ADAM17: variants seen among roughly 807,000 people sequenced by gnomAD.
The protein encoded by ADAM17 is ADAM metallopeptidase domain 17, also known as disintegrin and metalloproteinase domain-containing protein 17.
Under a neutral mutation model 96.7 loss-of-function variants are expected in ADAM17, and 39 were observed. The ratio of observed to expected loss-of-function variants is 0.40; its 90% CI spans 0.31 to 0.53. The LOEUF (loss-of-function observed/expected upper bound fraction) is 0.53, where lower values mean the gene tolerates loss of function less well. Among genes scored for constraint, ADAM17 ranks in the 20% least tolerant of loss-of-function variants. The probability of loss-of-function intolerance (pLI) is 0.44; values close to 1 mark genes in which losing one functional copy is unlikely to be tolerated. For synonymous variants in ADAM17, 344 were observed against 359.2 expected, an observed-to-expected ratio of 0.96 and a Z score of 0.48; for missense variants, 777 against 1,013.2, an observed-to-expected ratio of 0.77 and a Z score of 3.17.
At chr2:9,526,761 A>C (rs1425723845) in intron 5 of ADAM17, among the ~76,000 whole-genome samples, 2 of 152,062 alleles carry the variant, frequency 1.3e-5, no homozygotes, top group South Asian at 2.1e-4. Flanking sequence ...GTGCCATTGC[A>C]CTCAAGCCAG....
chr2:9,546,845 G>T (rs1243867714), intron 1 of ADAM17, among the ~76,000 whole-genome samples: 2 of 151,936 alleles, frequency 1.3e-5, no homozygotes, highest in Non-Finnish European at 2.9e-5. Flanking sequence ...AAGTAGCTGG[G>T]ACTACAGGTG....
chr2:9,531,658 C>A (rs13409612), intron 4 of ADAM17, among the ~76,000 whole-genome samples: 1 of 152,034 alleles, frequency 6.6e-6, no homozygotes, highest in African/African-American at 2.4e-5. Context: ...GCCGAGATTG[C>A]GCCACTGCAC....
chr2:9,526,304 T>C (rs1664527141), intron 5 of ADAM17, 60 bp from the exon 6 acceptor site: 1 of 1,531,760 alleles, frequency 6.5e-7, no homozygotes, highest in African/African-American at 1.4e-5. Flanking sequence ...AGTTTTATGG[T>C]AACACTTTAA....
intron 2 of ADAM17, among the ~76,000 whole-genome samples, chr2:9,542,885 G>A (rs1024651964): frequency 6.6e-6 from 1 of 151,976 alleles, no homozygotes; most frequent in South Asian, 2.1e-4. Context: ...GTAGAGACGG[G>A]GTTTTGCCAT....
At position 9,490,537 on chromosome 2, in the gene ADAM17, AATTG is replaced by A. The variant is rs761385025; in HGVS notation, c.2134-23_2134-20del. ...CGACGTTCTGCAAAGACATGGGTTC[AATTG>A]ATTGATAGGAATAAAAGATGAATCG... On this transcript the variant is annotated intron_variant, in intron 18 of 18. Transcript: ENST00000310823. 2.4e-5 allele frequency: 38 copies of A among 1,599,308 alleles called. No individual in the cohort carries two copies. In the African/African-American group the frequency reaches 2.7e-4, roughly 11 times the overall value.
intron 1 of ADAM17, among the ~76,000 whole-genome samples, chr2:9,551,275 C>A (rs1235676728): frequency 6.6e-6 from 1 of 151,478 alleles, no homozygotes; most frequent in African/African-American, 2.4e-5. Flanking sequence ...CGGAGAGATG[C>A]CCATTTCCTT....
At chr2:9,553,499 C>A (rs573596773) in intron 1 of ADAM17, among the ~76,000 whole-genome samples, 1 of 151,584 alleles carries the variant, frequency 6.6e-6, no homozygotes, top group Non-Finnish European at 1.5e-5. Flanking sequence ...CATGGAGAAA[C>A]CCCATCTCTA....
Position 9,543,145 on chromosome 2 carries a change from C to A in ADAM17, c.230+8G>T. On this transcript the variant is annotated splice_region_variant and intron_variant, in intron 2 of 18. Transcript: ENST00000310823. ...CCCCAACATTATTCCATGAATAATT[C>A]AAATTACCTTTTCAAAGCTGAAAAA... 6.4e-7 allele frequency: 1 copy of A among 1,572,228 alleles called. No homozygotes were observed. The highest frequency in any genetic ancestry group is 1.4e-5 in the African/African-American group (1 of 72,596).
At chr2:9,504,069 T>C (rs1298531607) in intron 12 of ADAM17, among the ~76,000 whole-genome samples, 1 of 152,024 alleles carries the variant, frequency 6.6e-6, no homozygotes, top group Admixed American at 6.6e-5. Flanking sequence ...AAGGACTGAT[T>C]GAGCCTGGGA....
intron 1 of ADAM17, among the ~76,000 whole-genome samples, chr2:9,554,671 A>C (rs1665687283): frequency 6.6e-6 from 1 of 152,218 alleles, no homozygotes; most frequent in African/African-American, 2.4e-5. Context: ...GAAAGATAAA[A>C]GGATTTTAAA....
At chr2:9,504,062 G>A (rs926870124) in intron 12 of ADAM17, among the ~76,000 whole-genome samples, 3 of 151,528 alleles carry the variant, frequency 2.0e-5, no homozygotes, top group South Asian at 2.1e-4. Context: ...GAGGTGGAAG[G>A]ACTGATTGAG....
At position 9,527,143 on chromosome 2, in the gene ADAM17, T is replaced by G. The variant is rs1664562101; in HGVS notation, c.619+643A>C. Among the ~76,000 whole-genome samples, 3 of 152,026 alleles carry G rather than the reference T, an allele frequency of 2.0e-5. No homozygotes were observed. The South Asian group carries it at 6.2e-4, about 32-fold the overall frequency. ...TTTGAGAACAGCCTGACCAACATGG[T>G]GAAACCCCATCTCCACTAAAAATAC... On this transcript the variant is annotated intron_variant, in intron 5 of 18. Transcript: ENST00000310823.
chr2:9,497,028 C>T (rs1171774151), intron 14 of ADAM17, 86 bp downstream of exon 14: 21 of 1,552,788 alleles, frequency 1.4e-5, no homozygotes, highest in Middle Eastern at 3.6e-4. Context: ...TGCTGTCATT[C>T]GCACAACCTC....
At chr2:9,513,263 G>C (rs536639508) in intron 10 of ADAM17, among the ~76,000 whole-genome samples, 9 of 152,110 alleles carry the variant, frequency 5.9e-5, no homozygotes, top group African/African-American at 2.2e-4. Flanking sequence ...CAAAGTGCTG[G>C]GATTACAGGC....
chr2:9,551,602 G>A (rs1230812293), intron 1 of ADAM17, among the ~76,000 whole-genome samples: 6 of 152,044 alleles, frequency 3.9e-5, no homozygotes, highest in Non-Finnish European at 7.3e-5. Flanking sequence ...TGGGACTACA[G>A]GCGCCTGCTA....
At chr2:9,541,900 C>T (rs1032340873) in intron 2 of ADAM17, among the ~76,000 whole-genome samples, 2 of 152,072 alleles carry the variant, frequency 1.3e-5, no homozygotes, top group Non-Finnish European at 2.9e-5. Context: ...ATCACCCAGG[C>T]GTGGTGCTGT....
intron 13 of ADAM17, among the ~76,000 whole-genome samples, chr2:9,501,642 C>T (rs1047888755): frequency 1.3e-5 from 2 of 152,194 alleles, no homozygotes; most frequent in African/African-American, 4.8e-5. Context: ...ACCCTTCTAA[C>T]TTGTATCCTG....
Position 9,514,518 on chromosome 2 carries a change from AATATATATATATATATATATATATAT to A in ADAM17, c.1191+3357_1191+3382del, listed in dbSNP as rs70948826. The stretch of plus-strand genomic sequence containing the variant: ...TCCTAGAACTTAAATTTAAAATATA[AATATATATATATATATATATATATAT>A]ATATATATATATATATATATATATA... On this transcript the variant is annotated intron_variant, in intron 10 of 18. Transcript: ENST00000310823. Among the ~76,000 whole-genome samples, 167 of 89,846 alleles carry A rather than the reference AATATATATATATATATATATATATAT, an allele frequency of 1.9e-3. 5 individuals are homozygous for A. The highest frequency in any genetic ancestry group is 5.3e-3 in the East Asian group (10 of 1,888). 58.9% of individuals were successfully genotyped at this position (89,846 alleles called of 152,430 possible).
chr2:9,527,359 T>C (rs1448533008), intron 5 of ADAM17: 1 of 152,500 alleles, frequency 6.6e-6, no homozygotes, highest in African/African-American at 2.4e-5. Context: ...GATGGTTACG[T>C]TTTTTAAATG....
Sources: allele counts gnomAD v4.1 joint callset (sites outside exome capture counted in the v4.1 genomes callset), GRCh38; gene constraint gnomAD v4.1.1; transcripts MANE v1.5; gene names NCBI Gene and HGNC (gene_info 2026-07-23, HGNC 2026-07-21).